The following USH2A variants were observed in gnomAD, a reference collection of about 807,000 sequenced individuals.
USH2A encodes the protein Usher syndrome 2A (autosomal recessive, mild).
Under a neutral mutation model 538.9 loss-of-function variants are expected in USH2A, and 443 were observed. That is an observed-to-expected ratio of 0.82 (90% CI 0.76 to 0.89). USH2A has a LOEUF of 0.89. Among genes scored for constraint, USH2A ranks in the 40% least tolerant of loss-of-function variants. USH2A has a pLI of 0.00. For missense variants in USH2A, 6,633 were observed against 6,324.8 expected, an observed-to-expected ratio of 1.05 and a Z score of -1.65; for synonymous variants, 2,413 against 2,273.5, an observed-to-expected ratio of 1.06 and a Z score of -1.75.
chr1:215,773,478 C>CTCTCTG (rs1426190338), intron 55 of USH2A, among the ~76,000 whole-genome samples: 2 of 121,100 alleles, frequency 1.7e-5, no homozygotes, highest in African/African-American at 8.5e-5. Flanking sequence ...TTACGGATGT[C>CTCTCTG]TCTCTGTCTC....
intron 21 of USH2A, among the ~76,000 whole-genome samples, chr1:216,103,701 A>G (rs1318831165): frequency 6.6e-6 from 1 of 152,176 alleles, no homozygotes; most frequent in Non-Finnish European, 1.5e-5. Context: ...AAATCCTACA[A>G]CTCAATAAAA....
rs528825497 is a variant in USH2A, at chr1:216,188,328, T to C, written c.4396+1895A>G. Among the ~76,000 whole-genome samples, 3 of 152,002 alleles carry C rather than the reference T, an allele frequency of 2.0e-5. No individual in the cohort carries two copies. In the East Asian group the frequency reaches 5.8e-4, roughly 30 times the overall value. ...CCATCTCCATGATCCAGCTAGTTTCTAGGGACGGGCATGTCTCTCTTCAGG... is the reference window on the plus strand; with the variant it reads ...CCATCTCCATGATCCAGCTAGTTTCCAGGGACGGGCATGTCTCTCTTCAGG... On this transcript the variant is annotated intron_variant, in intron 20 of 71. Coordinates refer to ENST00000307340, the MANE Select transcript of USH2A (RefSeq NM_206933.4).
At chr1:216,192,278 C>T (rs1380156394) in intron 19 of USH2A, among the ~76,000 whole-genome samples, 1 of 152,048 alleles carries the variant, frequency 6.6e-6, no homozygotes, top group African/African-American at 2.4e-5. Flanking sequence ...ACAAGACATA[C>T]TCAGGTCAGT....
At chr1:215,827,072 C>G (rs1663178225) in intron 47 of USH2A, among the ~76,000 whole-genome samples, 1 of 152,056 alleles carries the variant, frequency 6.6e-6, no homozygotes, top group South Asian at 2.1e-4. Flanking sequence ...AATATCATGA[C>G]ATAAAATCAA....
chr1:216,324,338 G>C lies in USH2A; in HGVS notation c.1158C>G (p.Ile386Met). The C allele has an allele frequency of 1.2e-6, 2 of 1,611,202 alleles. No homozygotes were observed. The highest frequency in any genetic ancestry group is 1.7e-6 in the Non-Finnish European group (2 of 1,178,430). Residue 386 changes from isoleucine (I) to methionine (M), a missense_variant, in exon 7 of 72, where the codon ATC (isoleucine) becomes ATG (methionine). Ile to Met is a conservative substitution (Grantham distance 10). Coordinates refer to ENST00000307340, the MANE Select transcript of USH2A (RefSeq NM_206933.4). Reference protein sequence around the residue: ...ENGQYQVFYIIIQFFSPQPTE... With the variant: ...ENGQYQVFYIMIQFFSPQPTE... ...TTGGTTGTGGACTAAAGAACTGAATGATAATATAAAACACCTGAAAATGGA... is the reference window on the plus strand; with the variant it reads ...TTGGTTGTGGACTAAAGAACTGAATCATAATATAAAACACCTGAAAATGGA...
rs1475647085 is a variant in USH2A, at chr1:215,624,070, A to G, written c.*1711T>C. On this transcript the variant is annotated 3_prime_UTR_variant, in exon 72 of 72. Coordinates refer to ENST00000307340, the MANE Select transcript of USH2A (RefSeq NM_206933.4). ...CGGCATATGGGAATAAAAACCAGTA[A>G]ACTAGTCAATCCTATGTTTTCATTT... 2 of 152,166 alleles carry G rather than the reference A, an allele frequency of 1.3e-5. No individual in the cohort carries two copies. Among genetic ancestry groups the G allele is most frequent in the Non-Finnish European group, 2.9e-5 (2 of 68,018 alleles). The allele number at this position is 152,166 out of a possible 1,614,324, so 9.4% of individuals were successfully genotyped here. A position where few individuals can be genotyped will look rare whatever the true frequency, so the allele number is the denominator to read the frequency against.
intron 46 of USH2A, among the ~76,000 whole-genome samples, chr1:215,843,844 G>A (rs771997395): frequency 6.6e-5 from 10 of 152,022 alleles, no homozygotes; most frequent in African/African-American, 9.7e-5. Flanking sequence ...AGTCCATTGC[G>A]CTTACAAAAG....
intron 49 of USH2A, among the ~76,000 whole-genome samples, chr1:215,800,850 G>T (rs1213396599): frequency 6.6e-6 from 1 of 151,846 alleles, no homozygotes; most frequent in Non-Finnish European, 1.5e-5. Flanking sequence ...AAAATCAATA[G>T]CTCTCATGAA....
rs908775702 is a variant in USH2A at position 216,056,071 on chromosome 1, T to G, written c.6050-7424A>C. On this transcript the variant is annotated intron_variant, in intron 30 of 71. Transcript: ENST00000307340. Reference sequence around the variant, plus strand: ...GTTTAAACAGTGATTTTAATTGACCTCAAAGTATTATCCAGTTAAGATTCT... The same window carrying G: ...GTTTAAACAGTGATTTTAATTGACCGCAAAGTATTATCCAGTTAAGATTCT... Among the ~76,000 whole-genome samples the G allele has an allele frequency of 3.3e-5, 5 of 152,208 alleles. No homozygotes were observed. In the East Asian group the frequency reaches 9.6e-4, roughly 29 times the overall value.
At chr1:216,378,683 T>G (rs1255493095) in intron 3 of USH2A, among the ~76,000 whole-genome samples, 1 of 151,808 alleles carries the variant, frequency 6.6e-6, no homozygotes, top group Non-Finnish European at 1.5e-5. Flanking sequence ...TTTGTTTGAG[T>G]TTTTTTTCTT....
intron 14 of USH2A, among the ~76,000 whole-genome samples, chr1:216,228,498 A>T (rs1036888228): frequency 1.3e-5 from 2 of 152,090 alleles, no homozygotes; most frequent in East Asian, 3.9e-4. Flanking sequence ...ATTATGGGGT[A>T]GGGTCTTTCC....
intron 3 of USH2A, among the ~76,000 whole-genome samples, chr1:216,408,383 G>A (rs1371140904): frequency 2.6e-5 from 4 of 152,222 alleles, no homozygotes; most frequent in Admixed American, 2.6e-4. Context: ...TTGAGGATAT[G>A]TTGCAAGACT....
chr1:216,094,468 GT>G (rs939343452), intron 22 of USH2A, among the ~76,000 whole-genome samples: 33 of 151,400 alleles, frequency 2.2e-4, no homozygotes, highest in African/African-American at 7.3e-4. Context: ...GATTATTCAC[GT>G]TTTTTTTCTT....
Position 215,634,458 on chromosome 1 carries a change from C to A in USH2A, c.15297+1G>T, listed in dbSNP as rs767630412. On this transcript the variant is annotated splice_donor_variant, in intron 70 of 71. Transcript: ENST00000307340. LOFTEE classifies it high-confidence loss of function. Reference sequence around the variant, plus strand: ...ATGGGGCCACACCTCTACAAACATACCATATGGTTTTCCCCCGGTGGGTAA... The same window carrying A: ...ATGGGGCCACACCTCTACAAACATAACATATGGTTTTCCCCCGGTGGGTAA... The A allele has an allele frequency of 3.7e-6, 6 of 1,614,098 alleles. No homozygotes were observed. Among genetic ancestry groups the A allele is most frequent in the Non-Finnish European group, 5.1e-6 (6 of 1,180,050 alleles).
At chr1:215,722,552 T>C (rs1421402984) in intron 61 of USH2A, among the ~76,000 whole-genome samples, 1 of 152,212 alleles carries the variant, frequency 6.6e-6, no homozygotes, top group Non-Finnish European at 1.5e-5. Flanking sequence ...ATCTACTTAA[T>C]GGTAAAGATA....
rs183979772 is a variant in USH2A at position 215,742,398 on chromosome 1, G to A, written c.11548+779C>T. On this transcript the variant is annotated intron_variant, in intron 59 of 71. Coordinates refer to ENST00000307340, the MANE Select transcript of USH2A (RefSeq NM_206933.4). The stretch of plus-strand genomic sequence containing the variant: ...TTTATTTAGCAAATGAGTATTATAC[G>A]TTATATAACATATATGATGAGATCA... Among the ~76,000 whole-genome samples, 180 of 151,406 alleles carry A rather than the reference G, an allele frequency of 1.2e-3. 2 individuals are homozygous for A. Among genetic ancestry groups the A allele is most frequent in the Non-Finnish European group, 1.7e-3 (114 of 67,866 alleles).
chr1:216,148,868 G>A (rs938909365), intron 21 of USH2A, among the ~76,000 whole-genome samples: 30 of 151,548 alleles, frequency 2.0e-4, no homozygotes, highest in African/African-American at 6.1e-4. Context: ...GACTGACCCT[G>A]ACACCCATCA....
intron 35 of USH2A, among the ~76,000 whole-genome samples, chr1:215,986,123 C>G (rs957011994): frequency 1.3e-5 from 2 of 151,642 alleles, no homozygotes; most frequent in Admixed American, 6.6e-5. Context: ...TTCTCCCTCT[C>G]TCTCTTTTTT....
chr1:215,802,025 C>CT (rs34990803), intron 49 of USH2A, among the ~76,000 whole-genome samples: 7,701 of 147,546 alleles, frequency 0.052, 245 homozygotes, highest in East Asian at 0.16. Flanking sequence ...AGGAAAGGAC[C>CT]TTTTTTTTTT....
Sources: allele counts gnomAD v4.1 joint callset (sites outside exome capture counted in the v4.1 genomes callset), GRCh38; gene constraint gnomAD v4.1.1; transcripts MANE v1.5; gene names NCBI Gene and HGNC (gene_info 2026-07-23, HGNC 2026-07-21).